JPH3: variants seen among roughly 807,000 people sequenced by gnomAD.
JPH3 encodes junctophilin-3.
In JPH3, 11 loss-of-function variants were observed where a neutral mutation model predicts 59.6. The ratio of observed to expected loss-of-function variants is 0.18; its 90% CI spans 0.12 to 0.31. The LOEUF is 0.31. Among genes scored for constraint, JPH3 ranks in the 10% least tolerant of loss-of-function variants. JPH3 has a pLI of 1.00. For synonymous variants in JPH3, 673 were observed against 483.6 expected (o/e 1.39, Z -5.14); for missense variants, 1,202 against 1,105.7 (o/e 1.09, Z -1.24).
At position 87,689,662 on chromosome 16, in the gene JPH3, G is replaced by A. The variant is rs1290499705; in HGVS notation, c.1302G>A (p.Arg434=). 1.9e-6 allele frequency: 3 copies of A among 1,611,994 alleles called. No homozygotes were observed. Among genetic ancestry groups the A allele is most frequent in the East Asian group, 2.2e-5 (1 of 44,842 alleles). The change falls in exon 4 of 5, where the codon AGG becomes AGA. Residue 434 remains arginine, a synonymous_variant. Transcript: ENST00000284262. Reference sequence around the variant, plus strand: ...CCCATACAGGGCTGGAGTACCAGAGGCCGAAGCGTCAGACCTCCTGTGACG... The same window carrying A: ...CCCATACAGGGCTGGAGTACCAGAGACCGAAGCGTCAGACCTCCTGTGACG... ...QHRENGLEYQ[R]PKRQTSCDDI... is the part of the protein sequence containing the mutation.
At chr16:87,627,616 G>C (rs541185082) in intron 1 of JPH3, among the ~76,000 whole-genome samples, 4 of 152,314 alleles carry the variant, frequency 2.6e-5, no homozygotes, top group African/African-American at 9.6e-5. Flanking sequence ...GCAGCTCCCA[G>C]GCTCTCATCC....
chr16:87,658,499 T>C (rs1411568465), intron 2 of JPH3, among the ~76,000 whole-genome samples: 1 of 152,084 alleles, frequency 6.6e-6, no homozygotes, highest in Non-Finnish European at 1.5e-5. Flanking sequence ...CCTTGTCTCT[T>C]TTTCTCGTTC....
At chr16:87,631,607 C>T (rs1355673658) in intron 1 of JPH3, among the ~76,000 whole-genome samples, 2 of 152,130 alleles carry the variant, frequency 1.3e-5, no homozygotes, top group African/African-American at 4.8e-5. Context: ...TCTGTGAGCC[C>T]TCCAGTCTGG....
chr16:87,670,153 G>A (rs1169404703), intron 2 of JPH3, among the ~76,000 whole-genome samples: 3 of 152,180 alleles, frequency 2.0e-5, no homozygotes, highest in Non-Finnish European at 4.4e-5. Context: ...GTGAGGCGGG[G>A]TCTGCACCGG....
intron 2 of JPH3, among the ~76,000 whole-genome samples, chr16:87,646,070 C>T (rs1050824914): frequency 6.6e-6 from 1 of 152,150 alleles, no homozygotes; most frequent in African/African-American, 2.4e-5. Flanking sequence ...ATGGGCTGCC[C>T]AGGCAGGAGG....
intron 2 of JPH3, among the ~76,000 whole-genome samples, chr16:87,679,813 C>G (rs2033241003): frequency 6.6e-6 from 1 of 152,248 alleles, no homozygotes; most frequent in African/African-American, 2.4e-5. Context: ...CAGGGGCCCC[C>G]TCAGCACACA....
intron 1 of JPH3, among the ~76,000 whole-genome samples, chr16:87,612,173 G>A (rs1466722963): frequency 3.3e-5 from 5 of 152,206 alleles, no homozygotes; most frequent in East Asian, 1.9e-4. Flanking sequence ...TCGTCCTGGC[G>A]TGCAATAGTG....
intron 3 of JPH3, among the ~76,000 whole-genome samples, chr16:87,685,477 C>T (rs1339248200): frequency 6.6e-6 from 1 of 152,270 alleles, no homozygotes; most frequent in Non-Finnish European, 1.5e-5. Flanking sequence ...GGGGCCCCTC[C>T]TTGCCTCGCC....
chr16:87,668,685 C>A (rs1001799256), intron 2 of JPH3, among the ~76,000 whole-genome samples: 15 of 152,188 alleles, frequency 9.9e-5, no homozygotes, highest in African/African-American at 3.4e-4. Context: ...GGCCAGATAC[C>A]TCATCTGGTT....
intron 4 of JPH3, chr16:87,695,719 G>A (rs1349621896): frequency 2.4e-5 from 10 of 419,880 alleles, no homozygotes; most frequent in South Asian, 4.8e-5. Flanking sequence ...GAGGGGCCAC[G>A]CTCCCTCTCC....
chr16:87,621,987 A>G (rs1075967), intron 1 of JPH3, among the ~76,000 whole-genome samples: 48,655 of 152,034 alleles, frequency 0.32, 8,116 homozygotes, highest in African/African-American at 0.37. Context: ...ACCTGTTTCT[A>G]TCTCACTCTA....
At chr16:87,633,095 C>T (rs896212029) in intron 1 of JPH3, among the ~76,000 whole-genome samples, 17 of 152,074 alleles carry the variant, frequency 1.1e-4, no homozygotes, top group Non-Finnish European at 5.9e-5. Context: ...ATTCTGTGTC[C>T]TCAGGCTGCC....
chr16:87,616,190 T>TTGTCTGTG (rs371870877), intron 1 of JPH3, among the ~76,000 whole-genome samples: 1 of 116,048 alleles, frequency 8.6e-6, no homozygotes, highest in Non-Finnish European at 1.7e-5. Flanking sequence ...CAATCTGGTT[T>TTGTCTGTG]TGTGTGTGTG....
At chr16:87,662,748 G>A (rs1375259602) in intron 2 of JPH3, among the ~76,000 whole-genome samples, 3 of 152,232 alleles carry the variant, frequency 2.0e-5, no homozygotes, top group South Asian at 2.1e-4. Flanking sequence ...AAGTTAAAAT[G>A]TAGCTCAGAC....
At chr16:87,682,807 G>A (rs1002054595) in intron 2 of JPH3, among the ~76,000 whole-genome samples, 1 of 152,220 alleles carries the variant, frequency 6.6e-6, no homozygotes, top group African/African-American at 2.4e-5. Flanking sequence ...CCCCATTGTT[G>A]GGGAAGTGGT....
intron 1 of JPH3, among the ~76,000 whole-genome samples, chr16:87,636,085 A>G (rs2031735257): frequency 6.6e-6 from 1 of 151,828 alleles, no homozygotes; most frequent in South Asian, 2.1e-4. Flanking sequence ...TGTCCCCCCG[A>G]CACTGGGTCC....
intron 2 of JPH3, among the ~76,000 whole-genome samples, chr16:87,674,657 G>A (rs568299256): frequency 4.3e-4 from 66 of 152,336 alleles, no homozygotes; most frequent in African/African-American, 1.5e-3. Flanking sequence ...ATTTTCTGTG[G>A]GAAGCTGGAC....
At position 87,603,360 on chromosome 16, in the gene JPH3, G is replaced by T; in HGVS notation, c.214G>T (p.Gly72Cys). The part of the protein sequence containing the change: ...QGTWAQGKRH[G>C]IGLESKGKWV... Reference sequence around the variant, plus strand: ...CACCTGGGCGCAGGGCAAGCGCCACGGCATCGGCCTGGAGAGCAAGGGGAA... The same window carrying T: ...CACCTGGGCGCAGGGCAAGCGCCACTGCATCGGCCTGGAGAGCAAGGGGAA... Residue 72 changes from glycine to cysteine, a missense_variant, in exon 1 of 5, where the codon GGC becomes TGC. By Grantham distance (159) the Gly-to-Cys change is radical (BLOSUM62 -3). Transcript: ENST00000284262. The T allele has an allele frequency of 6.2e-7, 1 of 1,611,934 alleles. No individual in the cohort carries two copies. The highest frequency in any genetic ancestry group is 8.5e-7 in the Non-Finnish European group (1 of 1,179,144).
chr16:87,680,981 G>C (rs1201105213), intron 2 of JPH3, among the ~76,000 whole-genome samples: 2 of 152,204 alleles, frequency 1.3e-5, no homozygotes, highest in African/African-American at 4.8e-5. Context: ...GTGTGTGGTG[G>C]GGGGCATTGT....
Sources: gnomAD v4.1 joint callset for allele counts (sites outside exome capture counted in the v4.1 genomes callset) on GRCh38, gnomAD v4.1.1 for gene constraint, MANE v1.5 for transcripts, NCBI Gene and HGNC (gene_info 2026-07-23, HGNC 2026-07-21) for gene names.